MACROD2: variants seen among roughly 807,000 people sequenced by gnomAD.
MACROD2 encodes mono-ADP ribosylhydrolase 2.
A neutral mutation model predicts 70.4 loss-of-function variants in MACROD2; 36 were observed. That is an observed-to-expected ratio of 0.51 (90% CI 0.39 to 0.68). The LOEUF (loss-of-function observed/expected upper bound fraction) is 0.68, where lower values mean the gene tolerates loss of function less well. Among genes scored for constraint, MACROD2 ranks in the 30% least tolerant of loss-of-function variants. The probability of loss-of-function intolerance (pLI) is 0.00; values close to 1 mark genes in which losing one functional copy is unlikely to be tolerated. For missense variants in MACROD2, 496 were observed against 538.4 expected (o/e 0.92, Z 0.78); for synonymous variants, 172 against 178.8 (o/e 0.96, Z 0.30).
chr20:14,474,144 T>C (rs1355824754), intron 3 of MACROD2, among the ~76,000 whole-genome samples: 2 of 152,154 alleles, frequency 1.3e-5, no homozygotes, highest in African/African-American at 4.8e-5. Flanking sequence ...CTGTTGATTG[T>C]TTCCCTTTGC....
At chr20:14,844,194 T>A (rs543218096) in intron 5 of MACROD2, among the ~76,000 whole-genome samples, 1 of 151,604 alleles carries the variant, frequency 6.6e-6, no homozygotes, top group Non-Finnish European at 1.5e-5. Context: ...CATAGTAAGA[T>A]AATTTTTTTT....
intron 5 of MACROD2, among the ~76,000 whole-genome samples, chr20:14,852,808 C>G (rs2073213080): frequency 6.6e-6 from 1 of 152,126 alleles, no homozygotes; most frequent in Admixed American, 6.5e-5. Flanking sequence ...GGGAAACCAC[C>G]CATGCCCATT....
intron 8 of MACROD2, among the ~76,000 whole-genome samples, chr20:15,539,991 A>G (rs574473094): frequency 7.9e-4 from 121 of 152,336 alleles, no homozygotes; most frequent in Middle Eastern, 3.4e-3. Context: ...CCATCTCAAA[A>G]AACAAAGAAG....
intron 5 of MACROD2, among the ~76,000 whole-genome samples, chr20:14,789,751 C>G (rs956223790): frequency 1.3e-5 from 2 of 151,814 alleles, no homozygotes; most frequent in African/African-American, 4.8e-5. Flanking sequence ...GCTGGGATTA[C>G]AGGTGTGAGC....
chr20:15,081,447 G>T (rs2075702927), intron 5 of MACROD2, among the ~76,000 whole-genome samples: 1 of 152,110 alleles, frequency 6.6e-6, no homozygotes, highest in South Asian at 2.1e-4. Context: ...TATTTTTTCT[G>T]CTAGTTCCAA....
intron 5 of MACROD2, among the ~76,000 whole-genome samples, chr20:15,150,384 G>C (rs554728473): frequency 2.6e-5 from 4 of 152,182 alleles, no homozygotes; most frequent in African/African-American, 7.2e-5. Flanking sequence ...GGGCACCACA[G>C]GGTGGATAGG....
intron 2 of MACROD2, among the ~76,000 whole-genome samples, chr20:14,044,385 G>T (rs1263896577): frequency 1.3e-5 from 2 of 152,128 alleles, no homozygotes; most frequent in African/African-American, 2.4e-5. Flanking sequence ...TGCAAAGAGC[G>T]AAAGAACAAA....
intron 3 of MACROD2, among the ~76,000 whole-genome samples, chr20:14,372,768 C>T (rs959725234): frequency 1.9e-4 from 29 of 152,070 alleles, no homozygotes; most frequent in African/African-American, 7.0e-4. Context: ...TCTACTTAGG[C>T]TTTAAAAAAG....
chr20:14,149,620 A>G (rs1207229481), intron 3 of MACROD2, among the ~76,000 whole-genome samples: 8 of 152,146 alleles, frequency 5.3e-5, no homozygotes, highest in Admixed American at 1.3e-4. Context: ...TAAGTGTTCT[A>G]TTTTCTCCAT....
At chr20:14,099,846 C>A (rs562348341) in intron 3 of MACROD2, among the ~76,000 whole-genome samples, 2 of 152,022 alleles carry the variant, frequency 1.3e-5, no homozygotes, top group South Asian at 4.1e-4. Context: ...AAAAATAGTG[C>A]ATAAATTAGG....
intron 15 of MACROD2, 103 bp downstream of exon 15, chr20:15,987,261 A>G: frequency 1.1e-6 from 1 of 935,366 alleles, no homozygotes; most frequent in South Asian, 1.6e-5. Context: ...ACAGTTTGTA[A>G]AGGGGGAAAA....
intron 2 of MACROD2, among the ~76,000 whole-genome samples, chr20:14,050,803 G>T (rs1030378731): frequency 3.3e-5 from 5 of 152,092 alleles, no homozygotes; most frequent in Non-Finnish European, 7.4e-5. Context: ...TCAAAGGAAG[G>T]ACTGAAAATT....
intron 3 of MACROD2, among the ~76,000 whole-genome samples, chr20:14,296,212 G>GGTCATTA (rs2082426777): frequency 1.3e-5 from 2 of 151,776 alleles, no homozygotes; most frequent in Non-Finnish European, 2.9e-5. Context: ...TAATACTTAG[G>GGTCATTA]ATACAATGAC....
chr20:14,188,349 T>A (rs1288108680), intron 3 of MACROD2, among the ~76,000 whole-genome samples: 1 of 152,126 alleles, frequency 6.6e-6, no homozygotes, highest in Non-Finnish European at 1.5e-5. Context: ...ATTTTTTAAG[T>A]GTTGATGATG....
intron 2 of MACROD2, among the ~76,000 whole-genome samples, chr20:14,077,894 C>CTTTTTTTT (rs58677755): frequency 3.3e-5 from 4 of 120,502 alleles, no homozygotes; most frequent in African/African-American, 6.2e-5. Context: ...AAAGGTTTTT[C>CTTTTTTTT]TTTTTTTTTT....
intron 5 of MACROD2, among the ~76,000 whole-genome samples, chr20:14,875,771 A>T (rs1410831416): frequency 5.3e-5 from 8 of 152,172 alleles, no homozygotes; most frequent in Non-Finnish European, 1.2e-4. Context: ...TTCACTTAGG[A>T]TAATGACCTC....
At chr20:14,703,312 G>A (rs933256299) in intron 5 of MACROD2, among the ~76,000 whole-genome samples, 17 of 152,154 alleles carry the variant, frequency 1.1e-4, no homozygotes, top group African/African-American at 3.9e-4. Flanking sequence ...CAGCTGGGAA[G>A]GAGGGGTATG....
intron 3 of MACROD2, among the ~76,000 whole-genome samples, chr20:14,176,631 A>G (rs8126084): frequency 1.3e-5 from 2 of 152,146 alleles, no homozygotes. Context: ...GTTCTATAGC[A>G]TTCAGTTTTT....
At chr20:15,433,398 T>C (rs941184984) in intron 7 of MACROD2, among the ~76,000 whole-genome samples, 2 of 118,820 alleles carry the variant, frequency 1.7e-5, no homozygotes, top group Non-Finnish European at 3.3e-5. Flanking sequence ...AGCACTGCTA[T>C]AAACCAACAA....
Sources: gnomAD v4.1 joint callset for allele counts (sites outside exome capture counted in the v4.1 genomes callset) on GRCh38, gnomAD v4.1.1 for gene constraint, MANE v1.5 for transcripts, NCBI Gene and HGNC (gene_info 2026-07-23, HGNC 2026-07-21) for gene names.